The following B4GALT6 variants were observed in gnomAD, a reference collection of about 807,000 sequenced individuals.
B4GALT6 encodes the protein beta-1,4-galactosyltransferase 6, also known as UDP-Gal:beta-GlcNAc beta-1,4-galactosyltransferase 6.
In B4GALT6, 14 loss-of-function variants were observed where a neutral mutation model predicts 46.3. The ratio of observed to expected loss-of-function variants is 0.30; its 90% CI spans 0.20 to 0.47. The LOEUF is 0.47. B4GALT6 is among the 20% of genes least tolerant of loss of function. The pLI is 0.99. For synonymous variants in B4GALT6, 168 were observed against 162.0 expected (o/e 1.04, Z -0.28); for missense variants, 386 against 480.1 (o/e 0.80, Z 1.83).
the B4GALT6 span, among the ~76,000 whole-genome samples, chr18:31,714,728 G>T: frequency 7.9e-5 from 12 of 152,170 alleles, no homozygotes; most frequent in Admixed American, 7.9e-4. Flanking sequence ...AATTCTAAGA[G>T]TAAGATGTCA....
At chr18:31,655,342 G>C (rs2074124933) in intron 3 of B4GALT6, among the ~76,000 whole-genome samples, 1 of 152,220 alleles carries the variant, frequency 6.6e-6, no homozygotes, top group South Asian at 2.1e-4. Context: ...AGGACCCAAA[G>C]TTGGCAGCCC....
intron 1 of B4GALT6, among the ~76,000 whole-genome samples, chr18:31,669,555 A>C (rs746161969): frequency 2.0e-5 from 3 of 152,176 alleles, no homozygotes; most frequent in Non-Finnish European, 4.4e-5. Context: ...ATTTTTTCAT[A>C]ATGAAAGTAT....
chr18:31,685,213 C>T (rs2074531892), upstream of B4GALT6, among the ~76,000 whole-genome samples: 2 of 150,218 alleles, frequency 1.3e-5, no homozygotes, highest in African/African-American at 4.9e-5. Flanking sequence ...GCCGCAAGGG[C>T]GGCAGCGGCA....
intron 5 of B4GALT6, among the ~76,000 whole-genome samples, chr18:31,632,688 TTTACA>T (rs2073806478): frequency 6.6e-6 from 1 of 152,230 alleles, no homozygotes; most frequent in South Asian, 2.1e-4. Flanking sequence ...AAATCAAGAC[TTTACA>T]TTATTAGGAC....
At position 31,676,051 on chromosome 18, in the gene B4GALT6, A is replaced by G. The variant is rs982673547; in HGVS notation, c.115+8261T>C. Among the ~76,000 whole-genome samples, 8 of 152,280 alleles carry G rather than the reference A, an allele frequency of 5.3e-5. No individual in the cohort carries two copies. In the East Asian group the frequency reaches 1.5e-3, roughly 29 times the overall value. On this transcript the variant is annotated intron_variant, in intron 1 of 8. Transcript: ENST00000306851. ...TTCCAAAGCATATTTTCAAATCAGT[A>G]AACAAGGCACCTTTTAATTCTCTAC...
the B4GALT6 span, among the ~76,000 whole-genome samples, chr18:31,709,612 T>TCCTTCTATGTAATCCAGC: frequency 1.3e-5 from 2 of 148,782 alleles, no homozygotes. Flanking sequence ...TGTATATATA[T>TCCTTCTATGTAATCCAGC]ATCCTTCTAT....
At chr18:31,696,723 C>G in the B4GALT6 span, among the ~76,000 whole-genome samples, 1 of 152,184 alleles carries the variant, frequency 6.6e-6, no homozygotes, top group Non-Finnish European at 1.5e-5. Flanking sequence ...ACCCATTTCT[C>G]TTCTCTCTAT....
At chr18:31,709,640 G>A in the B4GALT6 span, among the ~76,000 whole-genome samples, 1 of 149,204 alleles carries the variant, frequency 6.7e-6, no homozygotes, top group South Asian at 2.1e-4. Context: ...TGCATTGATT[G>A]CATGAAGGTC....
In B4GALT6 at chr18:31,622,648, C is replaced by A. The variant is rs1289251349; in HGVS notation, c.*2966G>T. ...TTTAAAATATCAGTATCTTGGCTGG[C>A]AAAAGGGTATATAAGGAAATTTTTA... On this transcript the variant is annotated 3_prime_UTR_variant, in exon 9 of 9. Coordinates refer to ENST00000306851, the MANE Select transcript of B4GALT6 (RefSeq NM_004775.5). The A allele has an allele frequency of 1.3e-5, 2 of 151,896 alleles. No individual in the cohort carries two copies. The highest frequency in any genetic ancestry group is 4.8e-5 in the African/African-American group (2 of 41,384). 9.4% of individuals were successfully genotyped at this position (151,896 alleles called of 1,614,324 possible).
At chr18:31,717,954 C>CAAAAA in the B4GALT6 span, among the ~76,000 whole-genome samples, 3 of 126,312 alleles carry the variant, frequency 2.4e-5, no homozygotes, top group Admixed American at 8.3e-5. Context: ...AACTCCGTCT[C>CAAAAA]AAAAAAAAAA....
chr18:31,716,505 C>T, the B4GALT6 span, among the ~76,000 whole-genome samples: 2 of 152,188 alleles, frequency 1.3e-5, no homozygotes, highest in African/African-American at 4.8e-5. Context: ...AAGCTCTGTG[C>T]CTCATCTAAC....
rs531499630 is a variant in B4GALT6 at position 31,626,990 on chromosome 18, T to G, written c.899+9A>C. ...ATTCTATTAGTGAACAATTTGTACC[T>G]CAACATACCTGTTCCAAAGGTCATC... On this transcript the variant is annotated intron_variant, in intron 7 of 8. Coordinates refer to ENST00000306851, the MANE Select transcript of B4GALT6 (RefSeq NM_004775.5). 2.5e-6 allele frequency: 4 copies of G among 1,598,344 alleles called. No individual in the cohort carries two copies. The African/African-American group carries it at 5.4e-5, about 22-fold the overall frequency.
intron 1 of B4GALT6, among the ~76,000 whole-genome samples, chr18:31,682,315 A>C (rs1363854876): frequency 6.6e-6 from 1 of 152,180 alleles, no homozygotes; most frequent in African/African-American, 2.4e-5. Context: ...TTTTTGGCTA[A>C]ATGGTACAGG....
chr18:31,656,652 T>C (rs1359194018), intron 3 of B4GALT6, among the ~76,000 whole-genome samples: 6 of 151,642 alleles, frequency 4.0e-5, no homozygotes, highest in Non-Finnish European at 5.9e-5. Context: ...TAAGAAAAGG[T>C]TTAAGACCAA....
rs186295425 is a variant in B4GALT6 at position 31,655,910 on chromosome 18, T to C, written c.346+2066A>G. The stretch of plus-strand genomic sequence containing the variant: ...TAGAATCACCTGAGAATTTTTTTTT[T>C]CTTAAATACCAGGGACCAGGCCCAC... On this transcript the variant is annotated intron_variant, in intron 3 of 8. Coordinates refer to ENST00000306851, the MANE Select transcript of B4GALT6 (RefSeq NM_004775.5). Among the ~76,000 whole-genome samples the C allele has an allele frequency of 2.6e-3, 400 of 152,210 alleles. 3 individuals carry two copies. Among genetic ancestry groups the C allele is most frequent in the African/African-American group, 9.2e-3 (383 of 41,506 alleles).
the B4GALT6 span, among the ~76,000 whole-genome samples, chr18:31,720,640 T>C: frequency 5.6e-4 from 86 of 152,326 alleles, no homozygotes; most frequent in African/African-American, 2.1e-3. Flanking sequence ...AGATGGAACA[T>C]TGACCTGAAT....
At chr18:31,657,011 T>C (rs1040093889) in intron 3 of B4GALT6, among the ~76,000 whole-genome samples, 40 of 152,180 alleles carry the variant, frequency 2.6e-4, no homozygotes, top group African/African-American at 9.4e-4. Context: ...AATTTAAAAG[T>C]CCATCAATAT....
intron 1 of B4GALT6, among the ~76,000 whole-genome samples, chr18:31,677,121 A>G (rs1698085955): frequency 6.6e-6 from 1 of 152,256 alleles, no homozygotes; most frequent in Admixed American, 6.5e-5. Flanking sequence ...CACTAATTCA[A>G]GTAATTAAAC....
chr18:31,627,374 A>G (rs1287598531), intron 6 of B4GALT6, among the ~76,000 whole-genome samples: 2 of 152,088 alleles, frequency 1.3e-5, no homozygotes, highest in African/African-American at 2.4e-5. Flanking sequence ...TACAAATAAG[A>G]CTCAAAATAA....
Sources: gnomAD v4.1 joint callset for allele counts (sites outside exome capture counted in the v4.1 genomes callset) on GRCh38, gnomAD v4.1.1 for gene constraint, MANE v1.5 for transcripts, NCBI Gene and HGNC (gene_info 2026-07-23, HGNC 2026-07-21) for gene names.